Variants in RIC8B observed in about 807,000 individuals in gnomAD.
RIC8B encodes the protein RIC8 guanine nucleotide exchange factor B, also known as chaperone Ric-8B.
A neutral mutation model predicts 57.5 loss-of-function variants in RIC8B; 16 were observed. The observed-to-expected ratio is 0.28, with a 90% CI of 0.19 to 0.42. The LOEUF (loss-of-function observed/expected upper bound fraction) is 0.42, where lower values mean the gene tolerates loss of function less well. RIC8B is among the 10% of genes least tolerant of loss of function. The pLI is 1.00. For missense variants in RIC8B, 481 were observed against 677.0 expected (o/e 0.71, Z 3.21); for synonymous variants, 216 against 250.8 (o/e 0.86, Z 1.31).
At chr12:106,775,661 C>T (rs559094868) in intron 1 of RIC8B, among the ~76,000 whole-genome samples, 49 of 152,314 alleles carry the variant, frequency 3.2e-4, no homozygotes, top group Non-Finnish European at 6.2e-4. Flanking sequence ...TGTTATAAAT[C>T]CCAGTCACTT....
intron 4 of RIC8B, among the ~76,000 whole-genome samples, chr12:106,837,405 G>A (rs1052386574): frequency 3.3e-5 from 5 of 151,378 alleles, no homozygotes; most frequent in African/African-American, 1.2e-4. Context: ...TTACCCTCAT[G>A]GGTTATTCCC....
At chr12:106,835,689 G>A (rs2046567944) in intron 4 of RIC8B, among the ~76,000 whole-genome samples, 1 of 152,214 alleles carries the variant, frequency 6.6e-6, no homozygotes, top group Non-Finnish European at 1.5e-5. Flanking sequence ...ACAAGGCATA[G>A]CAAATATTAT....
chr12:106,856,217 T>A (rs889948569), intron 7 of RIC8B, among the ~76,000 whole-genome samples: 5 of 152,230 alleles, frequency 3.3e-5, no homozygotes, highest in Admixed American at 1.3e-4. Context: ...TCTCTGTTTC[T>A]AGTCAGATTT....
chr12:106,884,806 G>T (rs115964678), intron 9 of RIC8B, among the ~76,000 whole-genome samples: 1 of 152,148 alleles, frequency 6.6e-6, no homozygotes, highest in Non-Finnish European at 1.5e-5. Flanking sequence ...CTACTGTGTG[G>T]CTGCCCCTTC....
chr12:106,879,719 AT>A lies in RIC8B; in HGVS notation c.1572-6183del. On this transcript the variant is annotated intron_variant, in intron 9 of 9. Coordinates refer to ENST00000392837, the MANE Select transcript of RIC8B (RefSeq NM_001330145.2). The surrounding 1 kb of genome is among the most constrained non-coding windows in gnomAD (Gnocchi z 4.9). ...CTCTTGCCTGGCCAAGCCCTTGTAGATTATGGTTCCTTATCGTTTAGTAAGA... is the reference window on the plus strand; with the variant it reads ...CTCTTGCCTGGCCAAGCCCTTGTAGATATGGTTCCTTATCGTTTAGTAAGA... 1 of 985,274 alleles carries A rather than the reference AT, an allele frequency of 1.0e-6. No individual in the cohort carries two copies. Among genetic ancestry groups the A allele is most frequent in the Non-Finnish European group, 1.2e-6 (1 of 829,908 alleles). The allele number at this position is 985,274 out of a possible 1,614,324, so 61.0% of individuals were successfully genotyped here.
intron 6 of RIC8B, among the ~76,000 whole-genome samples, chr12:106,847,843 GAATT>G (rs972553739): frequency 1.3e-5 from 2 of 152,182 alleles, no homozygotes; most frequent in African/African-American, 4.8e-5. Context: ...AAAGCTTCTT[GAATT>G]AATTCATTTT....
chr12:106,830,342 ATTTG>A (rs1210234399), intron 4 of RIC8B, among the ~76,000 whole-genome samples: 4 of 152,192 alleles, frequency 2.6e-5, no homozygotes, highest in Non-Finnish European at 5.9e-5. Context: ...AATTGATTTC[ATTTG>A]TTTATTAATT....
chr12:106,854,877 C>T (rs748284686), intron 7 of RIC8B, among the ~76,000 whole-genome samples: 75 of 152,208 alleles, frequency 4.9e-4, no homozygotes, highest in Non-Finnish European at 4.9e-4. Flanking sequence ...TCTTAAATAC[C>T]CATCTGTGCC....
intron 3 of RIC8B, 111 bp from the exon 4 acceptor site, chr12:106,825,615 G>T (rs570672169): frequency 1.6e-5 from 11 of 704,302 alleles, no homozygotes; most frequent in South Asian, 1.1e-4. Context: ...CATCTAAAAT[G>T]TATGGTATAA....
chr12:106,799,101 T>A (rs1436600943), intron 2 of RIC8B, among the ~76,000 whole-genome samples: 1 of 152,262 alleles, frequency 6.6e-6, no homozygotes, highest in Non-Finnish European at 1.5e-5. Flanking sequence ...AGGTGCTCAG[T>A]AATGGACACT....
At chr12:106,861,781 A>G (rs1949948368) in intron 8 of RIC8B, among the ~76,000 whole-genome samples, 2 of 152,094 alleles carry the variant, frequency 1.3e-5, no homozygotes, top group African/African-American at 4.8e-5. Flanking sequence ...ATTAAAATAC[A>G]CCACTTGAGA....
chr12:106,780,402 G>A (rs1167665233), intron 1 of RIC8B, among the ~76,000 whole-genome samples: 2 of 152,186 alleles, frequency 1.3e-5, no homozygotes, highest in South Asian at 2.1e-4. Flanking sequence ...CAAGACTGCT[G>A]GCAGTGAGGT....
At chr12:106,875,088 C>T (rs1950602479) in intron 9 of RIC8B, among the ~76,000 whole-genome samples, 1 of 152,064 alleles carries the variant, frequency 6.6e-6, no homozygotes, top group Non-Finnish European at 1.5e-5. Context: ...CTGTCAGTTC[C>T]ATTTTTTGGC....
intron 2 of RIC8B, among the ~76,000 whole-genome samples, chr12:106,804,916 T>G (rs967682784): frequency 3.9e-5 from 6 of 152,106 alleles, no homozygotes; most frequent in Non-Finnish European, 8.8e-5. Context: ...GAGGAGTGAT[T>G]CAAGAAGGTC....
At chr12:106,811,920 A>G (rs1023216296) in intron 2 of RIC8B, among the ~76,000 whole-genome samples, 3 of 152,240 alleles carry the variant, frequency 2.0e-5, no homozygotes, top group African/African-American at 7.2e-5. Context: ...CACAAACTCA[A>G]CAGATAGAAG....
intron 9 of RIC8B, among the ~76,000 whole-genome samples, chr12:106,884,584 T>C (rs1393548899): frequency 6.6e-6 from 1 of 152,240 alleles, no homozygotes; most frequent in East Asian, 1.9e-4. Context: ...ATTTCTTGGA[T>C]TGGGAAACAC....
intron 2 of RIC8B, 149 bp from the exon 3 acceptor site, chr12:106,814,547 C>A: frequency 1.3e-6 from 1 of 770,112 alleles, no homozygotes; most frequent in Non-Finnish European, 2.1e-6. Context: ...CCTTATATTT[C>A]AGTTTCTAAC....
chr12:106,793,136 A>G (rs1438625426), intron 2 of RIC8B, among the ~76,000 whole-genome samples: 1 of 152,178 alleles, frequency 6.6e-6, no homozygotes, highest in Non-Finnish European at 1.5e-5. Context: ...TACCGGGGCC[A>G]CAGTCATCCT....
intron 2 of RIC8B, among the ~76,000 whole-genome samples, chr12:106,797,298 A>G (rs1448112311): frequency 6.6e-6 from 1 of 152,262 alleles, no homozygotes; most frequent in Non-Finnish European, 1.5e-5. Flanking sequence ...ATATCTATAC[A>G]ATGAAATATT....
Sources: allele counts gnomAD v4.1 joint callset (sites outside exome capture counted in the v4.1 genomes callset), GRCh38; gene constraint gnomAD v4.1.1; non-coding constraint Gnocchi (gnomAD v3.1); transcripts MANE v1.5; gene names NCBI Gene and HGNC (gene_info 2026-07-23, HGNC 2026-07-21).